TRPM3: variants seen among roughly 807,000 people sequenced by gnomAD.
The protein encoded by TRPM3 is transient receptor potential cation channel subfamily M member 3, also known as long transient receptor potential channel 3.
In TRPM3, 77 loss-of-function variants were observed where a neutral mutation model predicts 181.2. The ratio of observed to expected loss-of-function variants is 0.42; its 90% CI spans 0.35 to 0.51. The LOEUF (loss-of-function observed/expected upper bound fraction) is 0.51. Among genes scored for constraint, TRPM3 ranks in the 20% least tolerant of loss-of-function variants. TRPM3 has a pLI of 0.01. For missense variants in TRPM3, 1,759 were observed against 2,196.7 expected, an observed-to-expected ratio of 0.80 and a Z score of 3.98; for synonymous variants, 745 against 796.4, an observed-to-expected ratio of 0.94 and a Z score of 1.09.
At chr9:70,636,474 G>A (rs1313484195) in intron 11 of TRPM3, among the ~76,000 whole-genome samples, 1 of 152,122 alleles carries the variant, frequency 6.6e-6, no homozygotes, top group African/African-American at 2.4e-5. Flanking sequence ...CCATTCTATT[G>A]TCTTTCAGGA....
At chr9:70,752,106 A>T (rs2135099605) in intron 8 of TRPM3, among the ~76,000 whole-genome samples, 1 of 151,958 alleles carries the variant, frequency 6.6e-6, no homozygotes, top group South Asian at 2.1e-4. Flanking sequence ...TTTAAAATTT[A>T]TCTATAAGAG....
intron 6 of TRPM3, among the ~76,000 whole-genome samples, chr9:70,806,972 T>C (rs566772709): frequency 2.0e-5 from 3 of 152,324 alleles, no homozygotes; most frequent in African/African-American, 7.2e-5. Flanking sequence ...CAAATTAAAA[T>C]CTCAGCTCAC....
At chr9:71,172,876 A>G (rs2076935285) in intron 1 of TRPM3, among the ~76,000 whole-genome samples, 1 of 152,224 alleles carries the variant, frequency 6.6e-6, no homozygotes, top group South Asian at 2.1e-4. Context: ...TCACACATTG[A>G]AAACTGTTCG....
chr9:70,608,185 C>T (rs1180171276), intron 19 of TRPM3, among the ~76,000 whole-genome samples: 3 of 152,182 alleles, frequency 2.0e-5, no homozygotes, highest in Non-Finnish European at 4.4e-5. Flanking sequence ...ACCACGTGGC[C>T]CTGCCAGAGT....
chr9:71,401,753 T>A (rs1426978463), intron 1 of TRPM3, among the ~76,000 whole-genome samples: 11 of 152,154 alleles, frequency 7.2e-5, no homozygotes, highest in Admixed American at 7.2e-4. Context: ...CTAGAATGGA[T>A]GGGAAGGCAA....
At chr9:70,560,489 AT>A (rs1392013561) in intron 22 of TRPM3, among the ~76,000 whole-genome samples, 3 of 152,164 alleles carry the variant, frequency 2.0e-5, no homozygotes, top group Non-Finnish European at 4.4e-5. Context: ...TCTTTACCAT[AT>A]TTTGACATGA....
At chr9:71,407,930 A>G (rs1307275268) in intron 1 of TRPM3, among the ~76,000 whole-genome samples, 1 of 152,246 alleles carries the variant, frequency 6.6e-6, no homozygotes, top group Non-Finnish European at 1.5e-5. Context: ...GCTGTTCTGC[A>G]GCCTCCGCTG....
At chr9:70,550,903 A>T (rs1331269065) in intron 24 of TRPM3, among the ~76,000 whole-genome samples, 1 of 152,200 alleles carries the variant, frequency 6.6e-6, no homozygotes, top group Non-Finnish European at 1.5e-5. Flanking sequence ...CACAGGGAAC[A>T]CTTGAGATTC....
At chr9:70,923,885 C>T (rs989650313) in intron 1 of TRPM3, among the ~76,000 whole-genome samples, 1 of 149,436 alleles carries the variant, frequency 6.7e-6, no homozygotes, top group African/African-American at 2.5e-5. Context: ...TATATACACA[C>T]ACACATATAT....
chr9:70,886,668 TTTTC>T (rs1204500199), intron 1 of TRPM3, among the ~76,000 whole-genome samples: 2 of 151,954 alleles, frequency 1.3e-5, no homozygotes, highest in Non-Finnish European at 2.9e-5. Flanking sequence ...TTTTTTCTTT[TTTTC>T]TTTTTTTTTG....
At chr9:71,064,559 G>A (rs1266640798) in intron 1 of TRPM3, among the ~76,000 whole-genome samples, 1 of 151,898 alleles carries the variant, frequency 6.6e-6, no homozygotes. Context: ...TTGATTATAG[G>A]CATGAGCCAC....
intron 1 of TRPM3, among the ~76,000 whole-genome samples, chr9:70,894,028 G>A (rs998207332): frequency 2.0e-5 from 3 of 152,172 alleles, no homozygotes; most frequent in East Asian, 1.9e-4. Context: ...AATGGGTCAC[G>A]GATGTCCAGG....
At chr9:70,681,139 CA>C (rs1427409710) in intron 9 of TRPM3, among the ~76,000 whole-genome samples, 4 of 152,048 alleles carry the variant, frequency 2.6e-5, no homozygotes, top group African/African-American at 7.2e-5. Context: ...ATCACACACA[CA>C]TATACTCACA....
chr9:70,957,905 C>CA (rs1444569834), intron 1 of TRPM3, among the ~76,000 whole-genome samples: 2 of 152,044 alleles, frequency 1.3e-5, no homozygotes, highest in African/African-American at 4.8e-5. Context: ...AACAAACAAA[C>CA]AAAAACAAAA....
At chr9:71,064,563 G>GAGCC (rs984596467) in intron 1 of TRPM3, among the ~76,000 whole-genome samples, 4 of 152,060 alleles carry the variant, frequency 2.6e-5, no homozygotes, top group Admixed American at 2.6e-4. Context: ...TTATAGGCAT[G>GAGCC]AGCCACTACA....
rs113138769 is a variant in TRPM3, at chr9:70,583,327, G to A, written c.3223+7704C>T. Among the ~76,000 whole-genome samples the A allele has an allele frequency of 2.4e-3, 366 of 152,320 alleles. 1 individual carries two copies. The highest frequency in any genetic ancestry group is 8.5e-3 in the African/African-American group (353 of 41,576). Reference sequence around the variant, plus strand: ...ACTTCATAGCTTGCGCATGCTTTGCGGGCTCAGGCTACATGGTGTTTCTGG... The same window carrying A: ...ACTTCATAGCTTGCGCATGCTTTGCAGGCTCAGGCTACATGGTGTTTCTGG... On this transcript the variant is annotated intron_variant, in intron 22 of 25. Coordinates refer to ENST00000677713, the MANE Select transcript of TRPM3 (RefSeq NM_001366145.2).
At chr9:71,235,795 A>G (rs2081321335) in intron 1 of TRPM3, among the ~76,000 whole-genome samples, 1 of 152,198 alleles carries the variant, frequency 6.6e-6, no homozygotes, top group Non-Finnish European at 1.5e-5. Flanking sequence ...GAAATTCTCA[A>G]TATTGAAAAT....
intron 1 of TRPM3, among the ~76,000 whole-genome samples, chr9:70,908,897 T>C (rs927640005): frequency 6.6e-6 from 1 of 152,184 alleles, no homozygotes; most frequent in Non-Finnish European, 1.5e-5. Context: ...TGGTGCTGTG[T>C]CAACTGAATA....
chr9:70,933,934 A>C (rs1308713679), intron 1 of TRPM3, among the ~76,000 whole-genome samples: 1 of 152,096 alleles, frequency 6.6e-6, no homozygotes, highest in East Asian at 1.9e-4. Context: ...AAAAGGTAGG[A>C]GCAAAGGAAG....
Sources: gnomAD v4.1 joint callset for allele counts (sites outside exome capture counted in the v4.1 genomes callset) on GRCh38, gnomAD v4.1.1 for gene constraint, MANE v1.5 for transcripts, NCBI Gene and HGNC (gene_info 2026-07-23, HGNC 2026-07-21) for gene names.